DNAH10: variants seen among roughly 807,000 people sequenced by gnomAD.
The protein encoded by DNAH10 is dynein axonemal heavy chain 10.
Under a neutral mutation model 506.6 loss-of-function variants are expected in DNAH10, and 348 were observed. The observed-to-expected ratio is 0.69, with a 90% CI of 0.63 to 0.75. The LOEUF (loss-of-function observed/expected upper bound fraction) is 0.75. Ranked by LOEUF, DNAH10 falls within the 30% of genes least tolerant of loss-of-function variation. The pLI is 0.00. For missense variants in DNAH10, 5,179 were observed against 5,787.1 expected, an observed-to-expected ratio of 0.89 and a Z score of 3.41; for synonymous variants, 2,059 against 2,198.6, an observed-to-expected ratio of 0.94 and a Z score of 1.78.
chr12:123,900,297 G>A (rs1270089940), intron 56 of DNAH10, among the ~76,000 whole-genome samples: 1 of 152,108 alleles, frequency 6.6e-6, no homozygotes, highest in Non-Finnish European at 1.5e-5. Flanking sequence ...AACTAGACTG[G>A]AAGTGTCTTG....
Position 123,903,177 on chromosome 12 carries a change from A to T in DNAH10, c.9815+64A>T. 1 of 1,507,462 alleles carries T rather than the reference A, an allele frequency of 6.6e-7. No homozygotes were observed. The allele number at this position is 1,507,462 out of a possible 1,614,324, so 93.4% of individuals were successfully genotyped here. Reference sequence around the variant, plus strand: ...CCTCTGCAAGCCAGTAGTCTCCATGATCGTGGCAACCAGGAGCTTACAAAG... The same window carrying T: ...CCTCTGCAAGCCAGTAGTCTCCATGTTCGTGGCAACCAGGAGCTTACAAAG... On this transcript the variant is annotated intron_variant, in intron 57 of 78. Transcript: ENST00000673944. This position sits in a 1 kb window ranked among gnomAD's most constrained non-coding sequence, Gnocchi z 4.6.
rs1340199042 is a variant in DNAH10 at position 123,781,293 on chromosome 12, C to A, written c.835C>A (p.Leu279Ile). The change falls in exon 6 of 79, where the codon CTT (leucine) becomes ATT (isoleucine). Residue 279 changes from leucine (L) to isoleucine (I), a missense_variant. Leu to Ile is a conservative substitution (Grantham distance 5). Transcript: ENST00000673944. Reference sequence around the variant, plus strand: ...TAATATTCAAAGAACCATGCAGCAACTTGAAGGTAAGGTTTCATTTTCCTC... The same window carrying A: ...TAATATTCAAAGAACCATGCAGCAAATTGAAGGTAAGGTTTCATTTTCCTC... ...ASNIQRTMQQ[L>I]EGEIKLEMPI... is the part of the protein sequence containing the mutation. 5.6e-6 allele frequency: 9 copies of A among 1,610,242 alleles called. No individual in the cohort carries two copies. The highest frequency in any genetic ancestry group is 7.6e-6 in the Non-Finnish European group (9 of 1,178,088).
chr12:123,892,328 T>TG (rs761283434), intron 52 of DNAH10, among the ~76,000 whole-genome samples: 2 of 151,996 alleles, frequency 1.3e-5, no homozygotes, highest in Non-Finnish European at 2.9e-5. Flanking sequence ...GGAGCAAGGT[T>TG]GGGGGAGGGG....
At chr12:123,871,268 C>T (rs1016528953) in intron 44 of DNAH10, among the ~76,000 whole-genome samples, 189 bp from the exon 45 acceptor site, 2 of 152,186 alleles carry the variant, frequency 1.3e-5, no homozygotes, top group Admixed American at 6.5e-5. Context: ...GTGATGGTCG[C>T]GCCGCTGCAG....
intron 51 of DNAH10, among the ~76,000 whole-genome samples, chr12:123,884,184 G>A (rs1015101585): frequency 2.0e-5 from 3 of 152,174 alleles, no homozygotes; most frequent in African/African-American, 7.2e-5. Flanking sequence ...ACAGGCATGT[G>A]CCACCACGCC....
At chr12:123,827,787 G>A (rs1159206577) in intron 25 of DNAH10, among the ~76,000 whole-genome samples, 1 of 152,136 alleles carries the variant, frequency 6.6e-6, no homozygotes, top group Non-Finnish European at 1.5e-5. Flanking sequence ...TTCAACACCT[G>A]TTACATCTGT....
intron 57 of DNAH10, chr12:123,908,384 C>A (rs1216384965): frequency 1.3e-5 from 6 of 456,118 alleles, no homozygotes; most frequent in Non-Finnish European, 2.6e-5. Context: ...TGGCCGCCCC[C>A]ACACTGCATC....
At position 123,818,984 on chromosome 12, in the gene DNAH10, T is replaced by C. The variant is rs778414922; in HGVS notation, c.3815T>C (p.Ile1272Thr). The C allele has an allele frequency of 1.1e-5, 17 of 1,607,218 alleles. No homozygotes were observed. The highest frequency in any genetic ancestry group is 1.4e-5 in the Non-Finnish European group (17 of 1,176,814). Residue 1272 changes from isoleucine (I) to threonine (T), a missense_variant, in exon 22 of 79, where the codon ATT becomes ACT. Transcript: ENST00000673944. The stretch of plus-strand genomic sequence containing the variant: ...GCAGAGAAAGAACTGGTTGATAAGA[T>C]TGAGAGCATATGGTCCAATCTGTTT... ...PDAEKELVDK[I>T]ESIWSNLFND...
chr12:123,799,147 A>T, intron 13 of DNAH10, 99 bp from the exon 14 acceptor site: 2 of 663,366 alleles, frequency 3.0e-6, no homozygotes, highest in Non-Finnish European at 4.0e-6. Context: ...ATAATAATTT[A>T]TATATTATAT....
intron 1 of DNAH10, 81 bp from the exon 2 acceptor site, chr12:123,767,525 C>T (rs1199024412): frequency 4.3e-6 from 6 of 1,391,810 alleles, no homozygotes; most frequent in Non-Finnish European, 5.9e-6. Flanking sequence ...CCCTTGGCTC[C>T]ACAGAAAGCA....
Position 123,931,329 on chromosome 12 carries a change from C to T in DNAH10, c.12785-12C>T. On this transcript the variant is annotated splice_polypyrimidine_tract_variant and intron_variant, in intron 73 of 78. Transcript: ENST00000673944. ...TGGACAGTGCCACCTCCGTTGTTCT[C>T]TGTGATTGCAGAAGCCATCGAGGCC... 6.2e-7 allele frequency: 1 copy of T among 1,613,186 alleles called. No individual in the cohort carries two copies. The highest frequency in any genetic ancestry group is 1.1e-5 in the South Asian group (1 of 91,030).
At chr12:123,885,936 A>G (rs1344395641) in intron 51 of DNAH10, among the ~76,000 whole-genome samples, 1 of 152,206 alleles carries the variant, frequency 6.6e-6, no homozygotes, top group East Asian at 1.9e-4. Context: ...CTCTTTATAT[A>G]GGAGAGCAAT....
intron 4 of DNAH10, 71 bp downstream of exon 4, chr12:123,773,013 A>G (rs1957316046): frequency 2.9e-6 from 3 of 1,034,616 alleles, no homozygotes; most frequent in African/African-American, 1.6e-5. Context: ...GTTCACTCTC[A>G]TTCTGTTGTC....
At chr12:123,814,609 A>ATTTTTTT (rs1214217837) in intron 21 of DNAH10, among the ~76,000 whole-genome samples, 12 of 121,216 alleles carry the variant, frequency 9.9e-5, no homozygotes, top group African/African-American at 3.4e-4. Context: ...GGCCAGGTAG[A>ATTTTTTT]TTTTTTTTTT....
rs11837261 is a variant in DNAH10 at position 123,851,232 on chromosome 12, T to C, written c.6291+156T>C. ...TGGCTCTTCCAGATGGGACCTAGGA[T>C]GTGTTAGCTCCGTGTGGCTCTTCCA... On this transcript the variant is annotated intron_variant, in intron 35 of 78. Transcript: ENST00000673944. Among the ~76,000 whole-genome samples, 105 of 138,176 alleles carry C rather than the reference T, an allele frequency of 7.6e-4. 1 individual carries two copies. The highest frequency in any genetic ancestry group is 3.0e-3 in the African/African-American group (97 of 32,454). The allele number at this position is 138,176 out of a possible 152,430, so 90.6% of individuals were successfully genotyped here.
chr12:123,928,909 C>T lies in DNAH10; in HGVS notation c.12306+322C>T, dbSNP rs536830203. ...TCGCTAGTGCTGACTGCAGGAGTTT[C>T]GCGTGGTTTACATGCCCCATTTAAT... On this transcript the variant is annotated intron_variant, in intron 70 of 78. Coordinates refer to ENST00000673944, the MANE Select transcript of DNAH10 (RefSeq NM_001372106.1). This position sits in a 1 kb window ranked among gnomAD's most constrained non-coding sequence, Gnocchi z 4.9. The T allele has an allele frequency of 5.0e-5, 23 of 462,668 alleles. No individual in the cohort carries two copies. In the Middle Eastern group the frequency reaches 1.7e-3, roughly 34 times the overall value. 28.7% of individuals were successfully genotyped at this position (462,668 alleles called of 1,614,324 possible).
chr12:123,861,227 C>A, intron 39 of DNAH10, 57 bp downstream of exon 39: 2 of 1,580,670 alleles, frequency 1.3e-6, no homozygotes, highest in Admixed American at 1.8e-5. Flanking sequence ...ATTAGCTCAA[C>A]ATTAAAAACG....
In DNAH10 at chr12:123,857,126, T is replaced by C; in HGVS notation, c.6509T>C (p.Phe2170Ser). 6.2e-7 allele frequency: 1 copy of C among 1,612,966 alleles called. No homozygotes were observed. Among genetic ancestry groups the C allele is most frequent in the Non-Finnish European group, 8.5e-7 (1 of 1,179,480 alleles). The change falls in exon 37 of 79, where the codon TTC becomes TCC. Residue 2170 changes from phenylalanine to serine, a missense_variant. Transcript: ENST00000673944. Reference sequence around the variant, plus strand: ...TTTGTGTTTGAAGATGTTCCTCTTTTCCTTGGTTTGATTTCGGATCTGTTT... The same window carrying C: ...TTTGTGTTTGAAGATGTTCCTCTTTCCCTTGGTTTGATTTCGGATCTGTTT... ...PKFVFEDVPL[F>S]LGLISDLFPG...
In DNAH10 at chr12:123,917,003, A is replaced by G. The variant is rs1050561295; in HGVS notation, c.11002+267A>G. Among the ~76,000 whole-genome samples, 4 of 152,204 alleles carry G rather than the reference A, an allele frequency of 2.6e-5. No homozygotes were observed. The highest frequency in any genetic ancestry group is 9.7e-5 in the African/African-American group (4 of 41,450). On this transcript the variant is annotated intron_variant, in intron 63 of 78. Coordinates refer to ENST00000673944, the MANE Select transcript of DNAH10 (RefSeq NM_001372106.1). The surrounding 1 kb of genome is among the most constrained non-coding windows in gnomAD (Gnocchi z 5.6). Reference sequence around the variant, plus strand: ...GGATGGGACCTCTGACTGTGGGGGCAGGAAGTTACTCTATATTCGTGTATT... The same window carrying G: ...GGATGGGACCTCTGACTGTGGGGGCGGGAAGTTACTCTATATTCGTGTATT...
Sources: gnomAD v4.1 joint callset for allele counts (sites outside exome capture counted in the v4.1 genomes callset) on GRCh38, gnomAD v4.1.1 for gene constraint, Gnocchi (gnomAD v3.1) non-coding constraint, MANE v1.5 for transcripts, NCBI Gene and HGNC (gene_info 2026-07-23, HGNC 2026-07-21) for gene names.